IQSEC1: variants seen among roughly 807,000 people sequenced by gnomAD.
IQSEC1 encodes IQ motif and SEC7 domain-containing protein 1.
Under a neutral mutation model 91.0 loss-of-function variants are expected in IQSEC1, and 31 were observed. The ratio of observed to expected loss-of-function variants is 0.34; its 90% confidence interval spans 0.26 to 0.46. The LOEUF (loss-of-function observed/expected upper bound fraction) is 0.46. Among genes scored for constraint, IQSEC1 ranks in the 20% least tolerant of loss-of-function variants. The pLI is 1.00. For synonymous variants in IQSEC1, 699 were observed against 662.6 expected (o/e 1.05, Z -0.84); for missense variants, 1,388 against 1,575.6 (o/e 0.88, Z 2.02).
intron 1 of IQSEC1, among the ~76,000 whole-genome samples, chr3:13,170,462 G>A (rs527780690): frequency 6.5e-4 from 99 of 152,312 alleles, no homozygotes; most frequent in African/African-American, 1.6e-3. Flanking sequence ...GAAGGCCACC[G>A]TCCTCCAGAC....
chr3:13,168,715 G>A (rs563581859), intron 1 of IQSEC1, among the ~76,000 whole-genome samples: 31 of 152,228 alleles, frequency 2.0e-4, no homozygotes, highest in African/African-American at 6.7e-4. Context: ...TTGCTGTTCC[G>A]TCTTCCTGGA....
Position 12,899,051 on chromosome 3 carries a change from A to C in IQSEC1, c.*1932T>G. 1 of 322,386 alleles carries C rather than the reference A, an allele frequency of 3.1e-6. No individual in the cohort carries two copies. The highest frequency in any genetic ancestry group is 5.8e-6 in the Non-Finnish European group (1 of 171,126). 20.0% of individuals were successfully genotyped at this position (322,386 alleles called of 1,614,324 possible). A position where few individuals can be genotyped will look rare whatever the true frequency, so the allele number is the denominator to read the frequency against. On this transcript the variant is annotated 3_prime_UTR_variant, in exon 14 of 14. Coordinates refer to ENST00000613206, the MANE Select transcript of IQSEC1 (RefSeq NM_001134382.3). ...ACACAGGTGGGCGGGTTAAAGTCAC[A>C]TTTTTAAAAAGGCTAAACTCTAGAT...
chr3:13,264,348 C>T (rs1317512617), intron 1 of IQSEC1, among the ~76,000 whole-genome samples: 5 of 152,226 alleles, frequency 3.3e-5, no homozygotes, highest in African/African-American at 1.2e-4. Flanking sequence ...CCACCGGAGG[C>T]CGAGGGCTCT....
intron 1 of IQSEC1, among the ~76,000 whole-genome samples, chr3:13,048,463 A>G (rs1305135819): frequency 6.6e-6 from 1 of 151,148 alleles, no homozygotes; most frequent in Non-Finnish European, 1.5e-5. Context: ...GGGCACCCAC[A>G]CCCCCCATCG....
chr3:13,180,635 A>T (rs1479075409), intron 1 of IQSEC1, among the ~76,000 whole-genome samples: 2 of 151,340 alleles, frequency 1.3e-5, no homozygotes, highest in Non-Finnish European at 2.9e-5. Context: ...GCTGCTGCTC[A>T]CTCTTTGGGT....
chr3:13,009,012 T>C (rs1159975372), intron 1 of IQSEC1, among the ~76,000 whole-genome samples: 2 of 152,234 alleles, frequency 1.3e-5, no homozygotes, highest in Non-Finnish European at 2.9e-5. Flanking sequence ...GGTCTTGGCC[T>C]GGCTTTCTGA....
At chr3:13,124,303 C>A (rs1269883254) in intron 2 of IQSEC1, among the ~76,000 whole-genome samples, 1 of 152,132 alleles carries the variant, frequency 6.6e-6, no homozygotes, top group East Asian at 1.9e-4. Context: ...GGGCCCCCAC[C>A]GAGCTCACCA....
In IQSEC1 at chr3:12,899,367, G is replaced by A. The variant is rs374058718; in HGVS notation, c.*1616C>T. The A allele has an allele frequency of 1.9e-5, 30 of 1,612,094 alleles. No individual in the cohort carries two copies. The highest frequency in any genetic ancestry group is 1.2e-4 in the African/African-American group (9 of 74,938). On this transcript the variant is annotated 3_prime_UTR_variant, in exon 14 of 14. Coordinates refer to ENST00000613206, the MANE Select transcript of IQSEC1 (RefSeq NM_001134382.3). The stretch of plus-strand genomic sequence containing the variant: ...GGCCTCCGCCTGGGCAGGCGCCGGG[G>A]GGCAGTCCTCGGGTCCCATGGCTTA...
intron 1 of IQSEC1, among the ~76,000 whole-genome samples, chr3:13,026,282 C>G (rs765532001): frequency 1.2e-4 from 19 of 152,232 alleles, no homozygotes; most frequent in Admixed American, 5.9e-4. Context: ...AGGGTTCCCC[C>G]CTTCTGCCAG....
intron 1 of IQSEC1, among the ~76,000 whole-genome samples, chr3:13,063,743 G>T (rs1459097626): frequency 6.6e-6 from 1 of 152,222 alleles, no homozygotes; most frequent in Non-Finnish European, 1.5e-5. Flanking sequence ...TCCTTTCTGG[G>T]GTGAGGGGCC....
At chr3:13,036,201 T>C (rs1050704497) in intron 1 of IQSEC1, among the ~76,000 whole-genome samples, 2 of 152,164 alleles carry the variant, frequency 1.3e-5, no homozygotes, top group Non-Finnish European at 2.9e-5. Flanking sequence ...CAGAAAGTAT[T>C]CATTAGTGTG....
intron 1 of IQSEC1, among the ~76,000 whole-genome samples, chr3:13,056,258 G>T (rs1005248960): frequency 2.0e-5 from 3 of 152,108 alleles, no homozygotes; most frequent in Admixed American, 1.3e-4. Flanking sequence ...TACAGGCTTG[G>T]GGGAGGGGTG....
At chr3:13,169,783 T>C (rs1051726785) in intron 1 of IQSEC1, among the ~76,000 whole-genome samples, 39 of 152,296 alleles carry the variant, frequency 2.6e-4, no homozygotes, top group African/African-American at 8.9e-4. Context: ...ATTTAGGGTA[T>C]CTGGTGGAAG....
At chr3:13,236,194 G>C (rs910301711) in intron 1 of IQSEC1, among the ~76,000 whole-genome samples, 4 of 152,146 alleles carry the variant, frequency 2.6e-5, no homozygotes, top group Non-Finnish European at 5.9e-5. Flanking sequence ...AAGCCAGGCA[G>C]GATGAATTCT....
At position 12,920,138 on chromosome 3, in the gene IQSEC1, T is replaced by C. The variant is rs143417128; in HGVS notation, c.2020+292A>G. ...GTAAAGACACAAAGAAAAAGGCCAGTTTCATCCTTCAAGGACAAGCTAACA... is the reference window on the plus strand; with the variant it reads ...GTAAAGACACAAAGAAAAAGGCCAGCTTCATCCTTCAAGGACAAGCTAACA... On this transcript the variant is annotated intron_variant, in intron 6 of 13. Coordinates refer to ENST00000613206, the MANE Select transcript of IQSEC1 (RefSeq NM_001134382.3). Among the ~76,000 whole-genome samples the C allele has an allele frequency of 8.5e-5, 13 of 152,306 alleles. No homozygotes were observed. In the East Asian group the frequency reaches 2.5e-3, roughly 29 times the overall value.
intron 1 of IQSEC1, among the ~76,000 whole-genome samples, chr3:13,252,946 A>G (rs1695223010): frequency 1.3e-5 from 2 of 152,188 alleles, no homozygotes; most frequent in Non-Finnish European, 2.9e-5. Context: ...GTTAGCCAGG[A>G]TGGTCTCGAT....
At chr3:12,975,195 A>G (rs574523749) in intron 1 of IQSEC1, among the ~76,000 whole-genome samples, 32 of 152,336 alleles carry the variant, frequency 2.1e-4, no homozygotes, top group Admixed American at 9.8e-4. Flanking sequence ...TGGCCCTGGC[A>G]CCTTGTACGG....
At chr3:13,037,569 C>T (rs531826275) in intron 1 of IQSEC1, among the ~76,000 whole-genome samples, 1 of 152,280 alleles carries the variant, frequency 6.6e-6, no homozygotes, top group African/African-American at 2.4e-5. Context: ...CACCCATGTT[C>T]ATAGCAGCAC....
chr3:12,941,817 G>T lies in IQSEC1; in HGVS notation c.72C>A (p.Ser24Arg). ...PSSETGTSLD[S>R]PSAYPQGPLV... Reference sequence around the variant, plus strand: ...AGGGGCCCTGGGGGTAGGCTGAGGGGCTGTCCAGGGATGTGCCAGTCTCAC... The same window carrying T: ...AGGGGCCCTGGGGGTAGGCTGAGGGTCTGTCCAGGGATGTGCCAGTCTCAC... The change falls in exon 2 of 14, where the codon AGC (serine) becomes AGA (arginine). Residue 24 changes from serine to arginine, a missense_variant. Ser to Arg is a moderately radical substitution (Grantham distance 110). This residue lies in a region of IQSEC1 where 1,059 missense variants were observed against 1,317.8 expected (regional missense o/e 0.80). Coordinates refer to ENST00000613206, the MANE Select transcript of IQSEC1 (RefSeq NM_001134382.3). The T allele has an allele frequency of 6.2e-7, 1 of 1,609,400 alleles. No individual in the cohort carries two copies. Among genetic ancestry groups the T allele is most frequent in the Non-Finnish European group, 8.5e-7 (1 of 1,178,894 alleles).
Sources: gnomAD v4.1 joint callset for allele counts (sites outside exome capture counted in the v4.1 genomes callset) on GRCh38, gnomAD v4.1.1 for gene constraint, gnomAD v4.1.1 regional missense constraint, MANE v1.5 for transcripts, NCBI Gene and HGNC (gene_info 2026-07-23, HGNC 2026-07-21) for gene names.